FBXO4: variants seen among roughly 807,000 people sequenced by gnomAD.
The protein encoded by FBXO4 is F-box protein 4, also known as F-box only protein 4.
FBXO4 carries 36 observed loss-of-function variants against 43.7 expected under a neutral mutation model. The ratio of observed to expected loss-of-function variants is 0.82; its 90% CI spans 0.63 to 1.09. The LOEUF is 1.09. Among genes scored for constraint, FBXO4 ranks in the 50% least tolerant of loss-of-function variants. The pLI is 0.00. For synonymous variants in FBXO4, 180 were observed against 165.6 expected (o/e 1.09, Z -0.67); for missense variants, 435 against 474.1 (o/e 0.92, Z 0.77).
At chr5:41,981,034 TAA>T in the FBXO4 span, among the ~76,000 whole-genome samples, 52 of 152,170 alleles carry the variant, frequency 3.4e-4, no homozygotes, top group South Asian at 8.3e-4. Flanking sequence ...TAGATATATA[TAA>T]GAGCCTTTCC....
the FBXO4 span, among the ~76,000 whole-genome samples, chr5:41,947,239 A>G: frequency 2.6e-5 from 4 of 152,224 alleles, no homozygotes; most frequent in African/African-American, 7.2e-5. Flanking sequence ...ATCATGATGT[A>G]TGTTCTTAAC....
At chr5:41,971,207 T>G in the FBXO4 span, among the ~76,000 whole-genome samples, 2 of 70,696 alleles carry the variant, frequency 2.8e-5, no homozygotes, top group African/African-American at 2.3e-4. Flanking sequence ...TAGAGAGAGG[T>G]GTGTGTGTGT....
At chr5:42,034,538 G>C in the FBXO4 span, among the ~76,000 whole-genome samples, 2 of 152,098 alleles carry the variant, frequency 1.3e-5, no homozygotes, top group African/African-American at 2.4e-5. Context: ...GTTCATTTTT[G>C]TATAAGGTGT....
In FBXO4 at chr5:41,941,269, G is replaced by A; in HGVS notation, c.1152G>A (p.Lys384=). ...GGATTCTTGAAGAAGTGGAATCTAA[G>A]CGTGCAAGATGATTCTCTTTTCAGA... ...IEWILEEVES[K]RAR Residue 384 remains lysine (K), a synonymous_variant, in exon 7 of 7, where the codon AAG becomes AAA. Transcript: ENST00000281623. The A allele has an allele frequency of 3.1e-6, 5 of 1,613,328 alleles. No homozygotes were observed. Among genetic ancestry groups the A allele is most frequent in the Non-Finnish European group, 4.2e-6 (5 of 1,179,426 alleles).
the FBXO4 span, among the ~76,000 whole-genome samples, chr5:42,022,584 T>G: frequency 2.0e-5 from 3 of 152,214 alleles, no homozygotes; most frequent in African/African-American, 7.2e-5. Flanking sequence ...GAAGTTCTGA[T>G]TTTAGTAATT....
chr5:42,031,260 A>G, the FBXO4 span, among the ~76,000 whole-genome samples: 4 of 152,306 alleles, frequency 2.6e-5, no homozygotes, highest in Non-Finnish European at 5.9e-5. Context: ...CATATACACC[A>G]TGGAATACTA....
chr5:42,038,093 T>C, the FBXO4 span, among the ~76,000 whole-genome samples: 1 of 152,124 alleles, frequency 6.6e-6, no homozygotes, highest in African/African-American at 2.4e-5. Flanking sequence ...AAGAGAGTGT[T>C]GTGACCTTTC....
the FBXO4 span, among the ~76,000 whole-genome samples, chr5:41,965,057 TG>T: frequency 3.9e-5 from 6 of 152,236 alleles, no homozygotes; most frequent in African/African-American, 1.4e-4. Flanking sequence ...AATTAATTTT[TG>T]TATAAGGTGT....
chr5:41,932,831 C>T (rs1035927855), intron 3 of FBXO4, among the ~76,000 whole-genome samples: 2 of 152,018 alleles, frequency 1.3e-5, no homozygotes, highest in Non-Finnish European at 2.9e-5. Flanking sequence ...TGAAGTAGAG[C>T]CATGGAAGCC....
chr5:41,929,987 A>G, intron 3 of FBXO4, 70 bp downstream of exon 3: 2 of 1,241,122 alleles, frequency 1.6e-6, no homozygotes, highest in Non-Finnish European at 2.3e-6. Flanking sequence ...AAAGAAAGAA[A>G]TTCATTTTAA....
the FBXO4 span, among the ~76,000 whole-genome samples, chr5:41,948,488 CTTTG>C: frequency 6.6e-6 from 1 of 152,074 alleles, no homozygotes; most frequent in African/African-American, 2.4e-5. Context: ...AATATATTTT[CTTTG>C]TTTATCATAG....
the FBXO4 span, among the ~76,000 whole-genome samples, chr5:41,978,307 C>T: frequency 1.3e-5 from 2 of 152,112 alleles, no homozygotes; most frequent in African/African-American, 4.8e-5. Flanking sequence ...GTCACACCTC[C>T]AACGTTGGAG....
the FBXO4 span, among the ~76,000 whole-genome samples, chr5:41,982,456 G>C: frequency 4.6e-5 from 7 of 151,788 alleles, no homozygotes; most frequent in Non-Finnish European, 8.8e-5. Flanking sequence ...TTTCATTGCT[G>C]TTTTAATTTG....
chr5:41,944,653 T>G (rs780798310), downstream of FBXO4, among the ~76,000 whole-genome samples: 1 of 152,244 alleles, frequency 6.6e-6, no homozygotes, highest in Admixed American at 6.5e-5. Context: ...ATAGGAAATG[T>G]GAAAATAATA....
rs530459257 is a variant in FBXO4, at chr5:41,939,167, A to C, written c.899-274A>C. The C allele has an allele frequency of 2.0e-5, 5 of 250,174 alleles. 1 individual carries two copies. Among genetic ancestry groups the C allele is most frequent in the African/African-American group, 8.9e-5 (4 of 45,166 alleles). 15.5% of individuals were successfully genotyped at this position (250,174 alleles called of 1,614,324 possible). A position where few individuals can be genotyped will look rare whatever the true frequency, so the allele number is the denominator to read the frequency against. On this transcript the variant is annotated intron_variant, in intron 5 of 6. Coordinates refer to ENST00000281623, the MANE Select transcript of FBXO4 (RefSeq NM_012176.3). Reference sequence around the variant, plus strand: ...GTTGAGATTGTTGGTATTCATAAAAAAAGCTAAACTCTACTATATGCCTAC... The same window carrying C: ...GTTGAGATTGTTGGTATTCATAAAACAAGCTAAACTCTACTATATGCCTAC...
chr5:42,012,080 C>T, the FBXO4 span, among the ~76,000 whole-genome samples: 103 of 152,170 alleles, frequency 6.8e-4, 1 homozygote, highest in South Asian at 5.4e-3. Context: ...GTTATGGAGA[C>T]GTTAGATTGT....
At chr5:41,958,310 A>G in the FBXO4 span, among the ~76,000 whole-genome samples, 1 of 151,954 alleles carries the variant, frequency 6.6e-6, no homozygotes, top group South Asian at 2.1e-4. Context: ...AATTTTTTGT[A>G]CTTTTAGTAG....
chr5:42,002,936 GC>G, the FBXO4 span, among the ~76,000 whole-genome samples: 3 of 152,028 alleles, frequency 2.0e-5, no homozygotes, highest in Non-Finnish European at 4.4e-5. Context: ...TTGCATTTTG[GC>G]TTATAAAGCA....
chr5:42,007,214 T>A, the FBXO4 span, among the ~76,000 whole-genome samples: 1 of 151,584 alleles, frequency 6.6e-6, no homozygotes, highest in East Asian at 1.9e-4. Flanking sequence ...AAAGGACATT[T>A]GGACACAGAG....
Sources: allele counts gnomAD v4.1 joint callset (sites outside exome capture counted in the v4.1 genomes callset), GRCh38; gene constraint gnomAD v4.1.1; transcripts MANE v1.5; gene names NCBI Gene and HGNC (gene_info 2026-07-23, HGNC 2026-07-21).